The following RORA variants were observed in gnomAD, a reference collection of about 807,000 sequenced individuals.
RORA encodes nuclear receptor ROR-alpha.
Under a neutral mutation model 69.5 loss-of-function variants are expected in RORA, and 7 were observed. The observed-to-expected ratio is 0.10, with a 90% confidence interval of 0.06 to 0.19. RORA has a LOEUF of 0.19. Ranked by LOEUF, RORA falls within the 10% of genes least tolerant of loss-of-function variation. The pLI, the probability that RORA is intolerant of heterozygous loss-of-function variation, is 1.00. For missense variants in RORA, 457 were observed against 663.0 expected (o/e 0.69, Z 3.41); for synonymous variants, 261 against 240.8 (o/e 1.08, Z -0.78).
intron 1 of RORA, among the ~76,000 whole-genome samples, chr15:60,973,013 C>T: frequency 6.8e-6 from 1 of 148,058 alleles, no homozygotes; most frequent in African/African-American, 2.5e-5. Context: ...AAAAAACAAT[C>T]AATGAGGGGC....
chr15:61,179,026 A>G (rs1009797657), intron 1 of RORA, among the ~76,000 whole-genome samples: 1 of 152,170 alleles, frequency 6.6e-6, no homozygotes, highest in Non-Finnish European at 1.5e-5. Context: ...AACCAAAATA[A>G]CCATGGTCAC....
At chr15:60,790,826 C>A (rs534337874) in intron 1 of RORA, among the ~76,000 whole-genome samples, 1 of 152,288 alleles carries the variant, frequency 6.6e-6, no homozygotes, top group South Asian at 2.1e-4. Context: ...GGCCTAGCTT[C>A]AATTTCACAA....
chr15:60,801,216 T>C (rs1376434318), intron 1 of RORA, among the ~76,000 whole-genome samples: 1 of 152,150 alleles, frequency 6.6e-6, no homozygotes, highest in Non-Finnish European at 1.5e-5. Flanking sequence ...TGAACTTGGG[T>C]GGAAAGGTTC....
At chr15:60,785,167 G>C (rs1381360155) in intron 1 of RORA, among the ~76,000 whole-genome samples, 3 of 152,184 alleles carry the variant, frequency 2.0e-5, no homozygotes, top group Non-Finnish European at 4.4e-5. Context: ...ATTTTTCTTT[G>C]TCTGTGAACA....
chr15:61,075,616 C>A (rs1012737151), intron 1 of RORA, among the ~76,000 whole-genome samples: 8 of 152,190 alleles, frequency 5.3e-5, no homozygotes, highest in African/African-American at 1.7e-4. Flanking sequence ...AGAGACAGGG[C>A]AGGTATAATT....
chr15:60,618,276 T>G (rs2069308789), intron 2 of RORA, among the ~76,000 whole-genome samples: 1 of 152,188 alleles, frequency 6.6e-6, no homozygotes, highest in South Asian at 2.1e-4. Flanking sequence ...CAAGACTCAA[T>G]CAACTTTGGC....
chr15:60,726,565 A>G (rs866622988), intron 1 of RORA, among the ~76,000 whole-genome samples: 1 of 152,284 alleles, frequency 6.6e-6, no homozygotes, highest in Middle Eastern at 3.4e-3. Flanking sequence ...CTGCTGGAAA[A>G]TCAGCATCCA....
intron 2 of RORA, among the ~76,000 whole-genome samples, chr15:60,550,163 C>T (rs186562840): frequency 6.8e-4 from 103 of 152,276 alleles, no homozygotes; most frequent in Non-Finnish European, 1.1e-3. Context: ...TGATGGCACA[C>T]GCCTATAATC....
At chr15:61,223,314 C>CAAAAAA (rs10685041) in intron 1 of RORA, among the ~76,000 whole-genome samples, 1 of 96,240 alleles carries the variant, frequency 1.0e-5, no homozygotes, top group Non-Finnish European at 1.9e-5. Context: ...GACTCTGTCT[C>CAAAAAA]AAAAAAAAAA....
At chr15:60,670,214 CTT>C (rs1168237283) in intron 2 of RORA, among the ~76,000 whole-genome samples, 2 of 67,462 alleles carry the variant, frequency 3.0e-5, no homozygotes, top group Non-Finnish European at 6.2e-5. Context: ...TTTTTTTTTT[CTT>C]TTTTTTTTTT....
At chr15:60,800,042 T>C (rs2072556974) in intron 1 of RORA, among the ~76,000 whole-genome samples, 1 of 152,260 alleles carries the variant, frequency 6.6e-6, no homozygotes, top group Admixed American at 6.5e-5. Flanking sequence ...AGCCATGTGC[T>C]ACACCAAGTC....
At chr15:60,884,159 G>A (rs2073724500) in intron 1 of RORA, among the ~76,000 whole-genome samples, 1 of 151,840 alleles carries the variant, frequency 6.6e-6, no homozygotes, top group South Asian at 2.1e-4. Flanking sequence ...GCTATGCTGT[G>A]GTGCTCAAAA....
chr15:60,918,333 T>C (rs8028796), intron 1 of RORA, among the ~76,000 whole-genome samples: 51,367 of 152,100 alleles, frequency 0.34, 9,143 homozygotes, highest in Non-Finnish European at 0.41. Flanking sequence ...TCTTCCCTCT[T>C]CAGGAGAAAG....
In RORA at chr15:60,497,305, C is replaced by A; in HGVS notation, c.*150G>T. 3 of 584,362 alleles carry A rather than the reference C, an allele frequency of 5.1e-6. No homozygotes were observed. The highest frequency in any genetic ancestry group is 8.9e-6 in the Non-Finnish European group (3 of 337,406). 36.2% of individuals were successfully genotyped at this position (584,362 alleles called of 1,614,324 possible). ...AACTTTTATTTGTTTTCATTGTTTC[C>A]CCTCCTTTGCCTGACCCCGATCACC... On this transcript the variant is annotated 3_prime_UTR_variant, in exon 11 of 11. Coordinates refer to ENST00000335670, the MANE Select transcript of RORA (RefSeq NM_134261.3).
At chr15:60,952,090 C>G (rs1595841731) in intron 1 of RORA, among the ~76,000 whole-genome samples, 1 of 149,548 alleles carries the variant, frequency 6.7e-6, no homozygotes, top group African/African-American at 2.5e-5. Flanking sequence ...AGCTTATCCA[C>G]CATGATCAAG....
At chr15:61,132,683 G>A (rs1282170108) in intron 1 of RORA, among the ~76,000 whole-genome samples, 4 of 152,110 alleles carry the variant, frequency 2.6e-5, no homozygotes, top group South Asian at 2.1e-4. Context: ...CAGATTCTAA[G>A]TCTGCTGTAA....
At chr15:61,169,934 G>A (rs1474819396) in intron 1 of RORA, among the ~76,000 whole-genome samples, 2 of 152,116 alleles carry the variant, frequency 1.3e-5, no homozygotes, top group African/African-American at 2.4e-5. Flanking sequence ...CCCCCAGAAG[G>A]CAGTCCTCAC....
At chr15:60,883,019 T>A (rs2073703231) in intron 1 of RORA, among the ~76,000 whole-genome samples, 1 of 150,148 alleles carries the variant, frequency 6.7e-6, no homozygotes, top group Non-Finnish European at 1.5e-5. Flanking sequence ...TAATCCCAGT[T>A]GCTCGGGAGG....
At chr15:60,995,348 G>T (rs1025786024) in intron 1 of RORA, among the ~76,000 whole-genome samples, 32 of 152,160 alleles carry the variant, frequency 2.1e-4, no homozygotes, top group African/African-American at 7.7e-4. Flanking sequence ...TGAGCTTCCC[G>T]AGTGTTCTCA....
Sources: gnomAD v4.1 joint callset for allele counts (sites outside exome capture counted in the v4.1 genomes callset) on GRCh38, gnomAD v4.1.1 for gene constraint, MANE v1.5 for transcripts, NCBI Gene and HGNC (gene_info 2026-07-23, HGNC 2026-07-21) for gene names.